The following ZFHX3 variants were observed in gnomAD, a reference collection of about 807,000 sequenced individuals.
The protein encoded by ZFHX3 is zinc finger homeobox 3, also known as zinc finger homeobox protein 3.
Under a neutral mutation model 279.1 loss-of-function variants are expected in ZFHX3, and 42 were observed. That is an observed-to-expected ratio of 0.15 (90% CI 0.12 to 0.19). ZFHX3 has a LOEUF of 0.19. Ranked by LOEUF, ZFHX3 falls within the 10% of genes least tolerant of loss-of-function variation. The probability of loss-of-function intolerance (pLI) is 1.00; values close to 1 mark genes in which losing one functional copy is unlikely to be tolerated. For synonymous variants in ZFHX3, 2,293 were observed against 1,957.8 expected, an observed-to-expected ratio of 1.17 and a Z score of -4.52; for missense variants, 4,981 against 4,754.0, an observed-to-expected ratio of 1.05 and a Z score of -1.40.
chr16:73,444,411 T>C (rs1460002999), intron 3 of ZFHX3, among the ~76,000 whole-genome samples: 2 of 152,220 alleles, frequency 1.3e-5, no homozygotes, highest in African/African-American at 4.8e-5. Flanking sequence ...TCTCTCTACC[T>C]TATTCAATGA....
chr16:73,312,132 G>C (rs2015342687), intron 4 of ZFHX3, among the ~76,000 whole-genome samples: 1 of 152,120 alleles, frequency 6.6e-6, no homozygotes, highest in Non-Finnish European at 1.5e-5. Context: ...GCTTGAAATT[G>C]TGACACGTGA....
chr16:73,168,559 C>T (rs988731747), intron 5 of ZFHX3, among the ~76,000 whole-genome samples: 3 of 152,106 alleles, frequency 2.0e-5, no homozygotes, highest in African/African-American at 7.2e-5. Flanking sequence ...CCTGGTCCAG[C>T]ATTACTGTTT....
In ZFHX3 at chr16:73,331,494, T is replaced by C. The variant is rs116141380; in HGVS notation, c.-1290-13158A>G. ...TCCCTGGTCTTATGCCTAGAGTCCT[T>C]TGTTCTTCTGTTGCCACAGAACAAA... On this transcript the variant is annotated intron_variant, in intron 3 of 17. Transcript: ENST00000641206. Among the ~76,000 whole-genome samples, 1,302 of 152,298 alleles carry C rather than the reference T, an allele frequency of 8.5e-3. 22 individuals are homozygous for C. Among genetic ancestry groups the C allele is most frequent in the African/African-American group, 0.03 (1,242 of 41,564 alleles).
intron 3 of ZFHX3, among the ~76,000 whole-genome samples, chr16:73,359,123 T>C (rs754917544): frequency 5.3e-5 from 8 of 151,738 alleles, no homozygotes; most frequent in Non-Finnish European, 1.2e-4. Flanking sequence ...TACAAGGTAA[T>C]AGACAATTAG....
At chr16:73,379,672 G>T (rs992800588) in intron 3 of ZFHX3, among the ~76,000 whole-genome samples, 1 of 152,164 alleles carries the variant, frequency 6.6e-6, no homozygotes, top group Non-Finnish European at 1.5e-5. Context: ...TTCTGTCTTG[G>T]CATGAAGCAA....
intron 5 of ZFHX3, among the ~76,000 whole-genome samples, chr16:73,150,283 C>T (rs530108911): frequency 6.6e-6 from 1 of 152,174 alleles, no homozygotes; most frequent in African/African-American, 2.4e-5. Context: ...GAATGTTATC[C>T]CTGTAGTTTG....
In ZFHX3 at chr16:72,798,427, G is replaced by A. The variant is rs1447637213; in HGVS notation, c.4255C>T (p.His1419Tyr). 6.2e-7 allele frequency: 1 copy of A among 1,614,230 alleles called. No homozygotes were observed. The highest frequency in any genetic ancestry group is 1.7e-5 in the Admixed American group (1 of 60,028). ...GCTCTGATCACATGGTACTGAGAAT[G>A]GAGCTGCAACTTTTCAATGGTCTTG... is the stretch of plus-strand genomic sequence containing the variant. The part of the protein sequence containing the change: ...AFKTIEKLQL[H>Y]SQYHVIRAAT... The change falls in exon 9 of 10, where the codon CAT becomes TAT. Residue 1419 changes from histidine (H) to tyrosine (Y), a missense_variant. Transcript: ENST00000268489.
rs7200580 is a variant in ZFHX3 at position 73,727,468 on chromosome 16, A to G, written c.-1607-47228T>C. Among the ~76,000 whole-genome samples the G allele has an allele frequency of 8.2e-3, 1,248 of 152,306 alleles. 19 individuals carry two copies. The highest frequency in any genetic ancestry group is 0.029 in the African/African-American group (1,189 of 41,558). On this transcript the variant is annotated intron_variant, in intron 1 of 17. Coordinates refer to the ZFHX3 transcript ENST00000641206. ...ACCCTAAACAGAATGAATCTCACCT[A>G]CAGACTGTTTTAAACTAGAAGAGAT... is the stretch of plus-strand genomic sequence containing the variant.
chr16:73,515,489 CAG>C (rs1567506861), intron 2 of ZFHX3, among the ~76,000 whole-genome samples: 1 of 135,210 alleles, frequency 7.4e-6, no homozygotes, highest in Non-Finnish European at 1.5e-5. Flanking sequence ...AAAGAAGAAA[CAG>C]AGAGGAGAGA....
intron 7 of ZFHX3, among the ~76,000 whole-genome samples, chr16:73,105,132 G>A (rs961594182): frequency 2.6e-5 from 4 of 151,968 alleles, no homozygotes; most frequent in African/African-American, 9.7e-5. Flanking sequence ...TGGGCCAGGA[G>A]TGGTGGCTCA....
chr16:72,874,235 C>G (rs1261384299), intron 4 of ZFHX3, among the ~76,000 whole-genome samples: 3 of 111,124 alleles, frequency 2.7e-5, no homozygotes, highest in African/African-American at 4.1e-5. Context: ...TTGAGACAGT[C>G]TCACTCTGTC....
At chr16:73,587,120 G>T (rs34196583) in intron 2 of ZFHX3, among the ~76,000 whole-genome samples, 72,282 of 151,634 alleles carry the variant, frequency 0.48, 19,576 homozygotes, top group East Asian at 0.79. Flanking sequence ...TATATTCGAA[G>T]AACTGGCTCT....
chr16:73,891,350 G>A (rs1291599329), intron 1 of ZFHX3, among the ~76,000 whole-genome samples: 1 of 152,094 alleles, frequency 6.6e-6, no homozygotes, highest in Middle Eastern at 3.4e-3. Context: ...ACACATACAC[G>A]TGTCAGCAAC....
chr16:73,876,434 C>G (rs150420526), intron 1 of ZFHX3, among the ~76,000 whole-genome samples: 62 of 152,262 alleles, frequency 4.1e-4, no homozygotes, highest in African/African-American at 1.4e-3. Context: ...GTATTCAGAC[C>G]ACATGCATAT....
chr16:73,162,532 C>A (rs528019650), intron 5 of ZFHX3, among the ~76,000 whole-genome samples: 1 of 152,118 alleles, frequency 6.6e-6, no homozygotes, highest in East Asian at 1.9e-4. Flanking sequence ...AATGATTCTA[C>A]GTGATGGTGA....
At chr16:73,093,487 G>GT in exon 8 of ZFHX3, 1 of 502,456 alleles carries the variant, frequency 2.0e-6, no homozygotes, top group South Asian at 1.5e-5. Flanking sequence ...TCCAGGTCCT[G>GT]TAAGAAGAGA....
chr16:73,788,522 CT>C (rs1959728130), intron 1 of ZFHX3, among the ~76,000 whole-genome samples: 1 of 152,128 alleles, frequency 6.6e-6, no homozygotes, highest in Non-Finnish European at 1.5e-5. Flanking sequence ...CATCATTACT[CT>C]TGTGTGTTGT....
chr16:72,894,782 T>C (rs796170231), intron 3 of ZFHX3, among the ~76,000 whole-genome samples: 8 of 152,338 alleles, frequency 5.3e-5, no homozygotes, highest in African/African-American at 1.9e-4. Context: ...TTCAGAGTTC[T>C]TGCTCTCCTC....
At chr16:73,473,406 T>C (rs1406617460) in intron 2 of ZFHX3, among the ~76,000 whole-genome samples, 3 of 148,986 alleles carry the variant, frequency 2.0e-5, no homozygotes, top group Non-Finnish European at 4.4e-5. Context: ...GACTTGTGTA[T>C]GGAATCATTC....
Sources: gnomAD v4.1 joint callset for allele counts (sites outside exome capture counted in the v4.1 genomes callset) on GRCh38, gnomAD v4.1.1 for gene constraint, MANE v1.5 for transcripts, NCBI Gene and HGNC (gene_info 2026-07-23, HGNC 2026-07-21) for gene names.